The following RTL10 variants were observed in gnomAD, a reference collection of about 807,000 sequenced individuals.
RTL10 encodes the protein retrotransposon Gag like 10.
For synonymous variants in RTL10, 199 were observed against 188.4 expected, an observed-to-expected ratio of 1.06 and a Z score of -0.46; for missense variants, 477 against 470.7, an observed-to-expected ratio of 1.01 and a Z score of -0.12.
At position 19,849,992 on chromosome 22, in the gene RTL10, C is replaced by T. The variant is rs149639868; in HGVS notation, c.*1175G>A. 5.1e-6 allele frequency: 5 copies of T among 985,496 alleles called. No homozygotes were observed. The highest frequency in any genetic ancestry group is 4.8e-6 in the Non-Finnish European group (4 of 830,004). The allele number at this position is 985,496 out of a possible 1,614,324, so 61.0% of individuals were successfully genotyped here. ...CCATTCCTCTGGGCCTGGGGCCTCA[C>T]AGCTCTGGACTGCTGCCTGGTCCTC... On this transcript the variant is annotated 3_prime_UTR_variant, in exon 3 of 3. Coordinates refer to ENST00000328554, the MANE Select transcript of RTL10 (RefSeq NM_024627.6).
chr22:19,852,258 G>C lies in RTL10; in HGVS notation c.4C>G (p.Pro2Ala). The C allele has an allele frequency of 1.2e-6, 2 of 1,601,902 alleles. No homozygotes were observed. The highest frequency in any genetic ancestry group is 1.7e-6 in the Non-Finnish European group (2 of 1,173,368). Residue 2 changes from proline (P) to alanine (A), a missense_variant, in exon 3 of 3, where the codon CCT becomes GCT. By Grantham distance (27) the Pro-to-Ala change is conservative. Coordinates refer to ENST00000328554, the MANE Select transcript of RTL10 (RefSeq NM_024627.6). ...CCCTGCTGACGGCACCGGCCACGAGGCATGCTGGGAGCACAGGGGAGAAGA... is the reference window on the plus strand; with the variant it reads ...CCCTGCTGACGGCACCGGCCACGAGCCATGCTGGGAGCACAGGGGAGAAGA... M[P>A]RGRCRQQGPR... is the part of the protein sequence containing the mutation.
rs992623600 is a variant in RTL10 at position 19,846,307 on chromosome 22, T to G, written c.*4860A>C. On this transcript the variant is annotated 3_prime_UTR_variant, in exon 3 of 3. Transcript: ENST00000328554. ...AAGGTTGAATGTCAAAGGCAGAAAG[T>G]TACAACCTGGGAATACAGGATAATG... The G allele has an allele frequency of 1.7e-6, 1 of 572,564 alleles. No individual in the cohort carries two copies. Among genetic ancestry groups the G allele is most frequent in the African/African-American group, 2.0e-5 (1 of 49,558 alleles). The allele number at this position is 572,564 out of a possible 1,614,324, so 35.5% of individuals were successfully genotyped here.
Position 19,848,518 on chromosome 22 carries a change from CAG to C in RTL10, c.*2647_*2648del, listed in dbSNP as rs1938019253. ...GCACTGCCTGTCTGGAAGGCCATGC[CAG>C]AGTCCATCGTTGCCTCCACCCTACC... On this transcript the variant is annotated 3_prime_UTR_variant, in exon 3 of 3. Coordinates refer to ENST00000328554, the MANE Select transcript of RTL10 (RefSeq NM_024627.6). The C allele has an allele frequency of 1.0e-6, 1 of 985,384 alleles. No individual in the cohort carries two copies. Among genetic ancestry groups the C allele is most frequent in the South Asian group, 4.7e-5 (1 of 21,294 alleles). 61.0% of individuals were successfully genotyped at this position (985,384 alleles called of 1,614,324 possible). A position where few individuals can be genotyped will look rare whatever the true frequency, so the allele number is the denominator to read the frequency against.
intron 2 of RTL10, among the ~76,000 whole-genome samples, chr22:19,854,044 C>T (rs981983383): frequency 2.0e-5 from 3 of 152,224 alleles, no homozygotes; most frequent in African/African-American, 7.2e-5. Context: ...CTGCACCAGC[C>T]AGCCAGGCCT....
Position 19,846,276 on chromosome 22 carries a change from G to T in RTL10, c.*4891C>A. The T allele has an allele frequency of 3.6e-6, 1 of 275,386 alleles. No individual in the cohort carries two copies. Among genetic ancestry groups the T allele is most frequent in the Non-Finnish European group, 5.5e-6 (1 of 180,254 alleles). The allele number at this position is 275,386 out of a possible 1,614,324, so 17.1% of individuals were successfully genotyped here. Reference sequence around the variant, plus strand: ...TTCTGCCGCAGTTACACTTACAGGTGGACTCAAGGTTGAATGTCAAAGGCA... The same window carrying T: ...TTCTGCCGCAGTTACACTTACAGGTTGACTCAAGGTTGAATGTCAAAGGCA... On this transcript the variant is annotated 3_prime_UTR_variant, in exon 3 of 3. Coordinates refer to ENST00000328554, the MANE Select transcript of RTL10 (RefSeq NM_024627.6).
Position 19,846,608 on chromosome 22 carries a change from G to A in RTL10, c.*4559C>T. ...AACTATGTCCCTTCAATATTTTTATGTTCAAGTCCTAACCCCTAGTACTTA... is the reference window on the plus strand; with the variant it reads ...AACTATGTCCCTTCAATATTTTTATATTCAAGTCCTAACCCCTAGTACTTA... On this transcript the variant is annotated 3_prime_UTR_variant, in exon 3 of 3. Transcript: ENST00000328554. The A allele has an allele frequency of 3.2e-6, 3 of 951,634 alleles. No homozygotes were observed. In the South Asian group the frequency reaches 1.5e-4, roughly 46 times the overall value. The allele number at this position is 951,634 out of a possible 1,614,324, so 58.9% of individuals were successfully genotyped here.
In RTL10 at chr22:19,850,426, C is replaced by G; in HGVS notation, c.*741G>C. 2.0e-6 allele frequency: 2 copies of G among 993,186 alleles called. No homozygotes were observed. The highest frequency in any genetic ancestry group is 2.4e-6 in the Non-Finnish European group (2 of 835,444). The allele number at this position is 993,186 out of a possible 1,614,324, so 61.5% of individuals were successfully genotyped here. On this transcript the variant is annotated 3_prime_UTR_variant, in exon 3 of 3. Coordinates refer to ENST00000328554, the MANE Select transcript of RTL10 (RefSeq NM_024627.6). ...TGAGCAGGGGATGGCAGCACAGCAG[C>G]AGGGAAGAGGAGCCTGCTTCAGAAC...
chr22:19,849,114 T>C lies in RTL10; in HGVS notation c.*2053A>G. On this transcript the variant is annotated 3_prime_UTR_variant, in exon 3 of 3. Transcript: ENST00000328554. ...CTGGGCCAGGACATCCAGGGACTTC[T>C]CACATCTGACCAGAATCAAGACTGA... 28 of 985,418 alleles carry C rather than the reference T, an allele frequency of 2.8e-5. No individual in the cohort carries two copies. The highest frequency in any genetic ancestry group is 3.3e-5 in the Non-Finnish European group (27 of 829,910). 61.0% of individuals were successfully genotyped at this position (985,418 alleles called of 1,614,324 possible).
chr22:19,849,693 C>T lies in RTL10; in HGVS notation c.*1474G>A, dbSNP rs1240920108. 2.0e-6 allele frequency: 2 copies of T among 985,368 alleles called. No individual in the cohort carries two copies. The highest frequency in any genetic ancestry group is 2.3e-4 in the East Asian group (2 of 8,816). The allele number at this position is 985,368 out of a possible 1,614,324, so 61.0% of individuals were successfully genotyped here. ...GTTTCTGAATAAGTTTAATCAGATG[C>T]TTGCTAATTAGTTTTTCCTAAAATA... is the stretch of plus-strand genomic sequence containing the variant. On this transcript the variant is annotated 3_prime_UTR_variant, in exon 3 of 3. Coordinates refer to ENST00000328554, the MANE Select transcript of RTL10 (RefSeq NM_024627.6).
Position 19,846,424 on chromosome 22 carries a change from C to T in RTL10, c.*4743G>A, listed in dbSNP as rs544602102. 5 of 985,402 alleles carry T rather than the reference C, an allele frequency of 5.1e-6. No individual in the cohort carries two copies. The highest frequency in any genetic ancestry group is 1.7e-5 in the African/African-American group (1 of 57,376). 61.0% of individuals were successfully genotyped at this position (985,402 alleles called of 1,614,324 possible). Reference sequence around the variant, plus strand: ...GGCACTGCCTACTCAACAGCCAAGGCTTGGCCATCCCCACTCCTCAGTATG... The same window carrying T: ...GGCACTGCCTACTCAACAGCCAAGGTTTGGCCATCCCCACTCCTCAGTATG... On this transcript the variant is annotated 3_prime_UTR_variant, in exon 3 of 3. Coordinates refer to ENST00000328554, the MANE Select transcript of RTL10 (RefSeq NM_024627.6).
chr22:19,850,248 C>T lies in RTL10; in HGVS notation c.*919G>A, dbSNP rs1938062579. On this transcript the variant is annotated 3_prime_UTR_variant, in exon 3 of 3. Coordinates refer to ENST00000328554, the MANE Select transcript of RTL10 (RefSeq NM_024627.6). Reference sequence around the variant, plus strand: ...TGCACCACCTCAGCCAGTAATCCAACACGTGTTTAATGAGCACCAATTGTG... The same window carrying T: ...TGCACCACCTCAGCCAGTAATCCAATACGTGTTTAATGAGCACCAATTGTG... 2 of 985,534 alleles carry T rather than the reference C, an allele frequency of 2.0e-6. No homozygotes were observed. Among genetic ancestry groups the T allele is most frequent in the Non-Finnish European group, 2.4e-6 (2 of 829,960 alleles). 61.0% of individuals were successfully genotyped at this position (985,534 alleles called of 1,614,324 possible).
Position 19,852,136 on chromosome 22 carries a change from A to G in RTL10, c.126T>C (p.Leu42=), listed in dbSNP as rs1938120639. ...AGGGCCGCTCAATCCAGGGATCCACAAGGGGGGTGTATGCCACCCCAGGAG... is the reference window on the plus strand; with the variant it reads ...AGGGCCGCTCAATCCAGGGATCCACGAGGGGGGTGTATGCCACCCCAGGAG... ...KASPGVAYTP[L]VDPWIERPCC... Residue 42 remains leucine (L), a synonymous_variant, in exon 3 of 3, where the codon CTT becomes CTC. Coordinates refer to ENST00000328554, the MANE Select transcript of RTL10 (RefSeq NM_024627.6). The G allele has an allele frequency of 6.2e-7, 1 of 1,614,168 alleles. No homozygotes were observed. The highest frequency in any genetic ancestry group is 1.1e-5 in the South Asian group (1 of 91,088).
intron 2 of RTL10, among the ~76,000 whole-genome samples, chr22:19,853,718 TG>T (rs35729509): frequency 0.017 from 2,362 of 142,816 alleles, 52 homozygotes; most frequent in African/African-American, 0.053. Flanking sequence ...GACCCCCCTC[TG>T]GGGGGGGGGT....
rs947347840 is a variant in RTL10 at position 19,850,882 on chromosome 22, C to A, written c.*285G>T. ...CTGAGAGTTGATCTACAAAACGACCCCCTCGTGGGAGCAGGCCTGGGTGAG... is the reference window on the plus strand; with the variant it reads ...CTGAGAGTTGATCTACAAAACGACCACCTCGTGGGAGCAGGCCTGGGTGAG... On this transcript the variant is annotated 3_prime_UTR_variant, in exon 3 of 3. Transcript: ENST00000328554. 2.3e-6 allele frequency: 3 copies of A among 1,327,382 alleles called. No individual in the cohort carries two copies. The highest frequency in any genetic ancestry group is 2.9e-6 in the Non-Finnish European group (3 of 1,043,146). The allele number at this position is 1,327,382 out of a possible 1,614,324, so 82.2% of individuals were successfully genotyped here.
rs906448662 is a variant in RTL10 at position 19,848,256 on chromosome 22, G to T, written c.*2911C>A. The T allele has an allele frequency of 3.0e-6, 3 of 985,332 alleles. No individual in the cohort carries two copies. In the African/African-American group the frequency reaches 5.2e-5, roughly 17 times the overall value. 61.0% of individuals were successfully genotyped at this position (985,332 alleles called of 1,614,324 possible). On this transcript the variant is annotated 3_prime_UTR_variant, in exon 3 of 3. Coordinates refer to ENST00000328554, the MANE Select transcript of RTL10 (RefSeq NM_024627.6). ...AAGGGAAGTGAAGGACTGACACCAT[G>T]ATTAGAAAGCAGAGCCAGCACCATG...
In RTL10 at chr22:19,847,735, A is replaced by G. The variant is rs1197756215; in HGVS notation, c.*3432T>C. On this transcript the variant is annotated 3_prime_UTR_variant, in exon 3 of 3. Transcript: ENST00000328554. Reference sequence around the variant, plus strand: ...ATTGTGTATTCCCACCAACAGTATGAGAAGGTCCACTTCTCCATACCTCCA... The same window carrying G: ...ATTGTGTATTCCCACCAACAGTATGGGAAGGTCCACTTCTCCATACCTCCA... 2 of 980,518 alleles carry G rather than the reference A, an allele frequency of 2.0e-6. No individual in the cohort carries two copies. The highest frequency in any genetic ancestry group is 2.4e-6 in the Non-Finnish European group (2 of 828,862). 60.7% of individuals were successfully genotyped at this position (980,518 alleles called of 1,614,324 possible). A position where few individuals can be genotyped will look rare whatever the true frequency, so the allele number is the denominator to read the frequency against.
In RTL10 at chr22:19,852,138, G is replaced by T; in HGVS notation, c.124C>A (p.Leu42Ile). ...KASPGVAYTP[L>I]VDPWIERPCC... is the part of the protein sequence containing the mutation. ...GGCCGCTCAATCCAGGGATCCACAA[G>T]GGGGGTGTATGCCACCCCAGGAGAC... Residue 42 changes from leucine (L) to isoleucine (I), a missense_variant, in exon 3 of 3, where the codon CTT (leucine) becomes ATT (isoleucine). Physicochemically the swap from Leu to Ile is conservative, Grantham distance 5 (BLOSUM62 2). Transcript: ENST00000328554. The T allele has an allele frequency of 6.2e-7, 1 of 1,614,180 alleles. No homozygotes were observed. Among genetic ancestry groups the T allele is most frequent in the Non-Finnish European group, 8.5e-7 (1 of 1,180,038 alleles).
In RTL10 at chr22:19,850,018, A is replaced by T. The variant is rs991146329; in HGVS notation, c.*1149T>A. The T allele has an allele frequency of 1.0e-6, 1 of 985,252 alleles. No homozygotes were observed. 61.0% of individuals were successfully genotyped at this position (985,252 alleles called of 1,614,324 possible). On this transcript the variant is annotated 3_prime_UTR_variant, in exon 3 of 3. Coordinates refer to ENST00000328554, the MANE Select transcript of RTL10 (RefSeq NM_024627.6). ...AGCTCTGGACTGCTGCCTGGTCCTC[A>T]CTTCACCTACAGCTCTCGGAAGTCA...
chr22:19,848,625 C>T lies in RTL10; in HGVS notation c.*2542G>A, dbSNP rs7288631. On this transcript the variant is annotated 3_prime_UTR_variant, in exon 3 of 3. Coordinates refer to ENST00000328554, the MANE Select transcript of RTL10 (RefSeq NM_024627.6). ...GAGCCCAACCACAATAAACAGGACG[C>T]GTTTTAATTAAAAACCAGGTCACCT... is the stretch of plus-strand genomic sequence containing the variant. 123,847 of 985,224 alleles carry T rather than the reference C, an allele frequency of 0.13. 7,937 individuals carry two copies. The highest frequency in any genetic ancestry group is 0.16 in the Middle Eastern group (309 of 1,914). 61.0% of individuals were successfully genotyped at this position (985,224 alleles called of 1,614,324 possible).
Sources: allele counts gnomAD v4.1 joint callset (sites outside exome capture counted in the v4.1 genomes callset), GRCh38; gene constraint gnomAD v4.1.1; transcripts MANE v1.5; gene names NCBI Gene and HGNC (gene_info 2026-07-23, HGNC 2026-07-21).